BMS1: variants seen among roughly 807,000 people sequenced by gnomAD.
BMS1 encodes ribosome biogenesis protein BMS1 homolog.
Under a neutral mutation model 138.7 loss-of-function variants are expected in BMS1, and 53 were observed. The ratio of observed to expected loss-of-function variants is 0.38; its 90% CI spans 0.31 to 0.48. The LOEUF is 0.48. Ranked by LOEUF, BMS1 falls within the 20% of genes least tolerant of loss-of-function variation. The probability of loss-of-function intolerance (pLI) is 0.97; values close to 1 mark genes in which losing one functional copy is unlikely to be tolerated. For synonymous variants in BMS1, 504 were observed against 539.9 expected (o/e 0.93, Z 0.92); for missense variants, 1,360 against 1,565.5 (o/e 0.87, Z 2.22).
At chr10:42,795,911 T>G (rs1215400136) in intron 9 of BMS1, among the ~76,000 whole-genome samples, 5 of 152,224 alleles carry the variant, frequency 3.3e-5, no homozygotes, top group African/African-American at 1.2e-4. Flanking sequence ...AATGCACTTG[T>G]GTTTTGTTCC....
intron 21 of BMS1, among the ~76,000 whole-genome samples, chr10:42,826,531 G>A (rs1399398091): frequency 6.6e-5 from 10 of 152,248 alleles, no homozygotes; most frequent in Non-Finnish European, 1.5e-4. Flanking sequence ...CTGTGGCTTG[G>A]GCCCTCGGGG....
In BMS1 at chr10:42,834,123, G is replaced by A. The variant is rs1228009615; in HGVS notation, c.*3027G>A. The A allele has an allele frequency of 6.6e-6, 1 of 152,160 alleles. No homozygotes were observed. Among genetic ancestry groups the A allele is most frequent in the East Asian group, 1.9e-4 (1 of 5,202 alleles). 9.4% of individuals were successfully genotyped at this position (152,160 alleles called of 1,614,324 possible). On this transcript the variant is annotated 3_prime_UTR_variant, in exon 23 of 23. Transcript: ENST00000374518. ...AGGCACAGGCAGCCATAGGTGCTAG[G>A]TATGTTTTGAAAACATATTGAACCT...
intron 15 of BMS1, among the ~76,000 whole-genome samples, chr10:42,819,161 T>C (rs1381614365): frequency 6.6e-6 from 1 of 152,102 alleles, no homozygotes; most frequent in African/African-American, 2.4e-5. Flanking sequence ...GGTTTTGAGA[T>C]AAGAGAGAGA....
intron 13 of BMS1, among the ~76,000 whole-genome samples, chr10:42,807,506 T>G (rs1189870440): frequency 6.6e-6 from 1 of 152,212 alleles, no homozygotes; most frequent in Non-Finnish European, 1.5e-5. Flanking sequence ...GGTCTTGCTC[T>G]GATGCCCAGT....
At chr10:42,812,610 G>A (rs61844817) in intron 13 of BMS1, among the ~76,000 whole-genome samples, 9,782 of 152,288 alleles carry the variant, frequency 0.064, 458 homozygotes, top group Non-Finnish European at 0.092. Context: ...GACACCTGGC[G>A]TGGATGGATG....
At position 42,787,184 on chromosome 10, in the gene BMS1, C is replaced by A; in HGVS notation, c.384C>A (p.Leu128=). 7.7e-7 allele frequency: 1 copy of A among 1,301,332 alleles called. No individual in the cohort carries two copies. The highest frequency in any genetic ancestry group is 1.1e-6 in the Non-Finnish European group (1 of 912,406). 80.6% of individuals were successfully genotyped at this position (1,301,332 alleles called of 1,614,324 possible). A position where few individuals can be genotyped will look rare whatever the true frequency, so the allele number is the denominator to read the frequency against. ...VTIVSGKKRR[L]TIIECGCDIN... is the part of the protein sequence containing the mutation. ...CACTTATAGGTAAAAAGCGCAGACT[C>A]ACCATTATTGAATGTGGGTGTGACA... is the stretch of plus-strand genomic sequence containing the variant. The change falls in exon 4 of 23, where the codon CTC becomes CTA. Residue 128 remains leucine (L), a synonymous_variant. Coordinates refer to ENST00000374518, the MANE Select transcript of BMS1 (RefSeq NM_014753.4).
intron 12 of BMS1, among the ~76,000 whole-genome samples, chr10:42,798,904 T>C (rs1298960158): frequency 6.6e-6 from 1 of 152,238 alleles, no homozygotes; most frequent in Non-Finnish European, 1.5e-5. Flanking sequence ...TAAGTTTTTA[T>C]ACATCAGATG....
intron 13 of BMS1, among the ~76,000 whole-genome samples, chr10:42,814,502 A>G (rs1445558741): frequency 6.6e-6 from 1 of 151,604 alleles, no homozygotes; most frequent in African/African-American, 2.4e-5. Context: ...TTGCCATAGG[A>G]TTTGTAGTTG....
chr10:42,787,223 T>A lies in BMS1; in HGVS notation c.423T>A (p.Ile141=). ...GTGGGTGTGACATTAACATGATGAT[T>A]GATCTGGCTAAAGTAGCAGATCTGG... ...IECGCDINMM[I]DLAKVADLVL... The change falls in exon 4 of 23, where the codon ATT becomes ATA. Residue 141 remains isoleucine (I), a synonymous_variant. Coordinates refer to ENST00000374518, the MANE Select transcript of BMS1 (RefSeq NM_014753.4). The A allele has an allele frequency of 1.4e-6, 2 of 1,394,042 alleles. No homozygotes were observed. The highest frequency in any genetic ancestry group is 2.0e-6 in the Non-Finnish European group (2 of 997,056). 86.4% of individuals were successfully genotyped at this position (1,394,042 alleles called of 1,614,324 possible).
intron 1 of BMS1, among the ~76,000 whole-genome samples, chr10:42,783,828 C>T (rs1841240088): frequency 6.6e-6 from 1 of 152,146 alleles, no homozygotes; most frequent in Non-Finnish European, 1.5e-5. Context: ...AGTAATACTG[C>T]GATCATATTG....
At chr10:42,829,174 T>A (rs1564434660) in intron 21 of BMS1, among the ~76,000 whole-genome samples, 1 of 152,012 alleles carries the variant, frequency 6.6e-6, no homozygotes, top group Non-Finnish European at 1.5e-5. Context: ...TAGCCAGGCG[T>A]GGTGGCGGGC....
chr10:42,830,921 C>G lies in BMS1; in HGVS notation c.3674C>G (p.Ala1225Gly). 6.2e-7 allele frequency: 1 copy of G among 1,612,108 alleles called. No individual in the cohort carries two copies. The highest frequency in any genetic ancestry group is 1.3e-5 in the African/African-American group (1 of 74,782). ...GTGCATAGTCAGAAGATGAAGAAGG[C>G]CAAGGAGCAGCGGCACCTGCACAAT... ...STVHSQKMKK[A>G]KEQRHLHNKE... The change falls in exon 23 of 23, where the codon GCC becomes GGC. Residue 1225 changes from alanine to glycine, a missense_variant. Coordinates refer to ENST00000374518, the MANE Select transcript of BMS1 (RefSeq NM_014753.4).
At chr10:42,817,195 T>A in intron 14 of BMS1, 123 bp from the exon 15 acceptor site, 1 of 791,876 alleles carries the variant, frequency 1.3e-6, no homozygotes, top group Non-Finnish European at 2.0e-6. Context: ...TTTCTTTTGT[T>A]TTATTGATAA....
chr10:42,814,689 G>A (rs1209114079), intron 13 of BMS1, among the ~76,000 whole-genome samples: 1 of 152,158 alleles, frequency 6.6e-6, no homozygotes, highest in African/African-American at 2.4e-5. Flanking sequence ...AGCCTTCATG[G>A]TGTTATTTTG....
intron 14 of BMS1, among the ~76,000 whole-genome samples, 198 bp from the exon 15 acceptor site, chr10:42,817,120 T>C (rs1842371871): frequency 6.6e-6 from 1 of 152,246 alleles, no homozygotes; most frequent in Admixed American, 6.5e-5. Flanking sequence ...CAGCTAATTG[T>C]AATGCAGATG....
intron 4 of BMS1, 143 bp from the exon 5 acceptor site, chr10:42,790,180 G>C (rs1266818230): frequency 1.3e-6 from 1 of 751,806 alleles, no homozygotes; most frequent in Non-Finnish European, 2.2e-6. Context: ...ATATGTAAAT[G>C]AATTAATGTG....
At chr10:42,792,699 A>G (rs948903108) in intron 7 of BMS1, 85 bp downstream of exon 7, 3 of 1,539,194 alleles carry the variant, frequency 1.9e-6, no homozygotes, top group Non-Finnish European at 2.6e-6. Context: ...AAAAATGACC[A>G]AACAAGGGAA....
At chr10:42,799,116 C>G (rs1053213091) in intron 12 of BMS1, among the ~76,000 whole-genome samples, 8 of 152,112 alleles carry the variant, frequency 5.3e-5, no homozygotes, top group Non-Finnish European at 4.4e-5. Context: ...CTTTCTCTCT[C>G]TCTCTCTTTA....
chr10:42,807,511 C>G (rs898293547), intron 13 of BMS1, among the ~76,000 whole-genome samples: 2 of 152,136 alleles, frequency 1.3e-5, no homozygotes, highest in African/African-American at 4.8e-5. Flanking sequence ...TGCTCTGATG[C>G]CCAGTCTGGG....
Sources: allele counts gnomAD v4.1 joint callset (sites outside exome capture counted in the v4.1 genomes callset), GRCh38; gene constraint gnomAD v4.1.1; transcripts MANE v1.5; gene names NCBI Gene and HGNC (gene_info 2026-07-23, HGNC 2026-07-21).